The following TRPM7 variants were observed in gnomAD, a reference collection of about 807,000 sequenced individuals.
TRPM7 encodes the protein transient receptor potential cation channel subfamily M member 7.
In TRPM7, 134 loss-of-function variants were observed where a neutral mutation model predicts 229.7. That is an observed-to-expected ratio of 0.58 (90% confidence interval 0.51 to 0.67). The LOEUF (loss-of-function observed/expected upper bound fraction) is 0.67, where lower values mean the gene tolerates loss of function less well. TRPM7 is among the 30% of genes least tolerant of loss of function. TRPM7 has a pLI of 0.00. For synonymous variants in TRPM7, 699 were observed against 715.2 expected, an observed-to-expected ratio of 0.98 and a Z score of 0.36; for missense variants, 1,901 against 2,210.0, an observed-to-expected ratio of 0.86 and a Z score of 2.80.
At position 50,558,586 on chromosome 15, in the gene TRPM7, T is replaced by C. The variant is rs1324648211; in HGVS notation, c.*3092A>G. The C allele has an allele frequency of 6.6e-6, 1 of 152,014 alleles. No homozygotes were observed. Among genetic ancestry groups the C allele is most frequent in the African/African-American group, 2.4e-5 (1 of 41,370 alleles). The allele number at this position is 152,014 out of a possible 1,614,324, so 9.4% of individuals were successfully genotyped here. A position where few individuals can be genotyped will look rare whatever the true frequency, so the allele number is the denominator to read the frequency against. On this transcript the variant is annotated 3_prime_UTR_variant, in exon 39 of 39. Coordinates refer to ENST00000646667, the MANE Select transcript of TRPM7 (RefSeq NM_017672.6). ...TGGGTACCTGTAATCTCAGCTACTTTGGAGGCTGAAGCACGAGAATTGCTT... is the reference window on the plus strand; with the variant it reads ...TGGGTACCTGTAATCTCAGCTACTTCGGAGGCTGAAGCACGAGAATTGCTT...
chr15:50,592,337 A>G lies in TRPM7; in HGVS notation c.3898T>C (p.Ser1300Pro). 1 of 1,614,094 alleles carries G rather than the reference A, an allele frequency of 6.2e-7. No individual in the cohort carries two copies. Among genetic ancestry groups the G allele is most frequent in the Non-Finnish European group, 8.5e-7 (1 of 1,179,970 alleles). Reference sequence around the variant, plus strand: ...TCAAGATCACCTTGAGGAAGAGAGGAGCTAAGTGTATTTACAACACCATGC... The same window carrying G: ...TCAAGATCACCTTGAGGAAGAGAGGGGCTAAGTGTATTTACAACACCATGC... ...KKHGVVNTLS[S>P]SLPQGDLESN... Residue 1300 changes from serine to proline, a missense_variant, in exon 26 of 39, where the codon TCC (serine) becomes CCC (proline). Coordinates refer to ENST00000646667, the MANE Select transcript of TRPM7 (RefSeq NM_017672.6).
intron 38 of TRPM7, among the ~76,000 whole-genome samples, chr15:50,563,910 A>C (rs2053444245): frequency 6.6e-6 from 1 of 152,148 alleles, no homozygotes; most frequent in South Asian, 2.1e-4. Flanking sequence ...CCCAGGCTGA[A>C]GTGCAGTGGC....
chr15:50,633,009 C>A lies in TRPM7; in HGVS notation c.1008-17G>T. 1 of 1,574,048 alleles carries A rather than the reference C, an allele frequency of 6.4e-7. No individual in the cohort carries two copies. The highest frequency in any genetic ancestry group is 8.6e-7 in the Non-Finnish European group (1 of 1,167,346). ...GGAAGATTCCTGGAATAAAAGGAAACATAATTCACTGATTTCATCTTCCAT... is the reference window on the plus strand; with the variant it reads ...GGAAGATTCCTGGAATAAAAGGAAAAATAATTCACTGATTTCATCTTCCAT... On this transcript the variant is annotated splice_polypyrimidine_tract_variant and intron_variant, in intron 8 of 38. Transcript: ENST00000646667.
Position 50,589,645 on chromosome 15 carries a change from T to C in TRPM7, c.4336A>G (p.Ser1446Gly), listed in dbSNP as rs1215698137. The change falls in exon 27 of 39, where the codon AGC becomes GGC. Residue 1446 changes from serine (S) to glycine (G), a missense_variant. Coordinates refer to ENST00000646667, the MANE Select transcript of TRPM7 (RefSeq NM_017672.6). The part of the protein sequence containing the change: ...EFGAFVGHRD[S>G]MDLQRFKETS... ...TCTTTAAACCTCTGTAAATCCATGC[T>C]ATCTCTGTGTCCTTTAATAGAAAAA... 2 of 1,592,978 alleles carry C rather than the reference T, an allele frequency of 1.3e-6. No homozygotes were observed. The highest frequency in any genetic ancestry group is 1.7e-6 in the Non-Finnish European group (2 of 1,168,416).
rs141099484 is a variant in TRPM7, at chr15:50,661,301, C to A, written c.83+1666G>T. ...ATTAACTACCATTCTTATAAAATAT[C>A]TGTAGTATGAAAAGCAGGTACATTT... On this transcript the variant is annotated intron_variant, in intron 2 of 38. Transcript: ENST00000646667. Among the ~76,000 whole-genome samples, 718 of 152,162 alleles carry A rather than the reference C, an allele frequency of 4.7e-3. 2 individuals are homozygous for A. The highest frequency in any genetic ancestry group is 7.3e-3 in the Non-Finnish European group (495 of 68,006).
chr15:50,561,851 G>A (rs1056329395), intron 38 of TRPM7, 43 bp from the exon 39 acceptor site: 4 of 1,459,534 alleles, frequency 2.7e-6, no homozygotes, highest in Non-Finnish European at 3.7e-6. Flanking sequence ...AAAAGAAAGA[G>A]AAAAGAAAAA....
intron 29 of TRPM7, among the ~76,000 whole-genome samples, chr15:50,581,637 A>G (rs1456918524): frequency 2.0e-5 from 3 of 152,094 alleles, no homozygotes; most frequent in South Asian, 2.1e-4. Context: ...TTTGTTGTGT[A>G]TATGTGCATA....
Position 50,580,870 on chromosome 15 carries a change from T to G in TRPM7, c.4592+4A>C. 1 of 1,584,070 alleles carries G rather than the reference T, an allele frequency of 6.3e-7. No individual in the cohort carries two copies. The highest frequency in any genetic ancestry group is 1.2e-5 in the South Asian group (1 of 84,486). ...AAGCTAATGGTAAGAAAAAGCTTAC[T>G]TACATTTCTCTGTTTGATGGTCTAT... On this transcript the variant is annotated splice_donor_region_variant and intron_variant, in intron 30 of 38. Transcript: ENST00000646667.
chr15:50,580,404 C>T (rs547279098), intron 30 of TRPM7, among the ~76,000 whole-genome samples: 27 of 152,270 alleles, frequency 1.8e-4, no homozygotes, highest in Admixed American at 4.6e-4. Context: ...ACCACATCAG[C>T]TTTCTAGTGG....
chr15:50,653,789 G>A (rs1169678455), intron 3 of TRPM7, among the ~76,000 whole-genome samples: 1 of 152,144 alleles, frequency 6.6e-6, no homozygotes, highest in Non-Finnish European at 1.5e-5. Context: ...ATTCACCATG[G>A]GTCTTTGGCC....
intron 3 of TRPM7, among the ~76,000 whole-genome samples, chr15:50,649,232 T>C (rs2061350416): frequency 6.6e-6 from 1 of 151,816 alleles, no homozygotes; most frequent in African/African-American, 2.4e-5. Context: ...AGGTCAAAAG[T>C]TCAAGACCAT....
At chr15:50,577,527 C>T (rs2054193132) in intron 31 of TRPM7, among the ~76,000 whole-genome samples, 1 of 152,144 alleles carries the variant, frequency 6.6e-6, no homozygotes. Context: ...CTACTCCAGC[C>T]TGGACGACAG....
chr15:50,641,186 C>G (rs1423266743), intron 5 of TRPM7, among the ~76,000 whole-genome samples: 3 of 152,144 alleles, frequency 2.0e-5, no homozygotes, highest in Non-Finnish European at 4.4e-5. Flanking sequence ...TTAAAACCTC[C>G]TCTTCTCATT....
At chr15:50,652,300 T>C (rs920999095) in intron 3 of TRPM7, among the ~76,000 whole-genome samples, 33 of 114,760 alleles carry the variant, frequency 2.9e-4, no homozygotes, top group African/African-American at 1.1e-3. Flanking sequence ...GCCACTGCAC[T>C]GCAGCCTGGC....
intron 24 of TRPM7, among the ~76,000 whole-genome samples, chr15:50,593,989 AC>A (rs2059570788): frequency 1.3e-5 from 2 of 152,182 alleles, no homozygotes; most frequent in African/African-American, 4.8e-5. Flanking sequence ...CTTTTCCTAT[AC>A]AACATCCCTC....
intron 20 of TRPM7, among the ~76,000 whole-genome samples, chr15:50,606,341 T>C (rs1259099246): frequency 1.3e-5 from 2 of 151,964 alleles, no homozygotes; most frequent in African/African-American, 2.4e-5. Context: ...ATTGTGCCAC[T>C]GCACTCCAGC....
Position 50,619,668 on chromosome 15 carries a change from ATT to A in TRPM7, c.1494+75_1494+76del, listed in dbSNP as rs34352984. On this transcript the variant is annotated intron_variant, in intron 13 of 38. Coordinates refer to ENST00000646667, the MANE Select transcript of TRPM7 (RefSeq NM_017672.6). The stretch of plus-strand genomic sequence containing the variant: ...GGTATTTCTAAAATGTATTTAAATG[ATT>A]TTTTTTTTAAAAAACATGAAATATA... 1.2e-4 allele frequency: 139 copies of A among 1,158,640 alleles called. 1 individual carries two copies. Among genetic ancestry groups the A allele is most frequent in the Middle Eastern group, 2.8e-4 (1 of 3,576 alleles). The allele number at this position is 1,158,640 out of a possible 1,614,324, so 71.8% of individuals were successfully genotyped here.
intron 3 of TRPM7, among the ~76,000 whole-genome samples, chr15:50,655,000 CAAA>C (rs35388005): frequency 8.6e-5 from 6 of 69,442 alleles, no homozygotes; most frequent in Admixed American, 1.8e-4. Flanking sequence ...CACTCCGTCT[CAAA>C]AAAAAAAAAA....
At chr15:50,593,159 C>T (rs1183683136) in intron 25 of TRPM7, among the ~76,000 whole-genome samples, 1 of 152,094 alleles carries the variant, frequency 6.6e-6, no homozygotes, top group African/African-American at 2.4e-5. Flanking sequence ...TGTGGTGGTG[C>T]ACGCCGGTAA....
Sources: gnomAD v4.1 joint callset for allele counts (sites outside exome capture counted in the v4.1 genomes callset) on GRCh38, gnomAD v4.1.1 for gene constraint, MANE v1.5 for transcripts, NCBI Gene and HGNC (gene_info 2026-07-23, HGNC 2026-07-21) for gene names.